The following LINC00305 variants were observed in gnomAD, a reference collection of about 807,000 sequenced individuals.
LINC00305 encodes long intergenic non-protein coding RNA 305.
chr18:64,111,872 G>A (rs72949513), intron 1 of LINC00305, among the ~76,000 whole-genome samples: 1 of 152,122 alleles, frequency 6.6e-6, no homozygotes, highest in Admixed American at 6.6e-5. Context: ...TAAACTAAAT[G>A]TACCTCCGGG....
chr18:64,143,544 T>G (rs2051475326), intron 1 of LINC00305, among the ~76,000 whole-genome samples: 1 of 127,420 alleles, frequency 7.8e-6, no homozygotes, highest in Non-Finnish European at 1.7e-5. Context: ...CATATATATG[T>G]ACACATATTA....
At chr18:64,144,977 A>C (rs1347381591) in intron 1 of LINC00305, among the ~76,000 whole-genome samples, 3 of 152,118 alleles carry the variant, frequency 2.0e-5, no homozygotes, top group Admixed American at 6.5e-5. Flanking sequence ...CTTATGGATA[A>C]GATAGGGCTA....
chr18:64,099,319 C>T (rs1014121028), intron 1 of LINC00305, among the ~76,000 whole-genome samples: 5 of 152,116 alleles, frequency 3.3e-5, no homozygotes, highest in African/African-American at 1.2e-4. Context: ...TTATTAATCA[C>T]TGATCTTGTG....
intron 1 of LINC00305, among the ~76,000 whole-genome samples, chr18:64,133,858 C>A (rs1359197772): frequency 1.3e-5 from 2 of 152,140 alleles, no homozygotes; most frequent in Non-Finnish European, 2.9e-5. Context: ...TATTATCGTT[C>A]TTTTCTGGCT....
At chr18:64,146,428 T>G (rs2051498646) in intron 1 of LINC00305, among the ~76,000 whole-genome samples, 1 of 152,176 alleles carries the variant, frequency 6.6e-6, no homozygotes, top group African/African-American at 2.4e-5. Flanking sequence ...AATGTTGTTG[T>G]AAGAAGTAGC....
At chr18:64,139,142 A>G (rs1169740789) in intron 1 of LINC00305, among the ~76,000 whole-genome samples, 3 of 152,242 alleles carry the variant, frequency 2.0e-5, no homozygotes, top group African/African-American at 7.2e-5. Flanking sequence ...TTCCAAATCA[A>G]GTCTGAAATA....
intron 3 of LINC00305, among the ~76,000 whole-genome samples, chr18:64,095,255 G>C (rs1365698573): frequency 1.3e-5 from 2 of 152,152 alleles, no homozygotes; most frequent in Admixed American, 1.3e-4. Flanking sequence ...GGCTAGGAGA[G>C]ACCTCTCCTC....
At chr18:64,113,550 G>T (rs1436386630) in intron 1 of LINC00305, among the ~76,000 whole-genome samples, 6 of 152,156 alleles carry the variant, frequency 3.9e-5, no homozygotes, top group Admixed American at 3.9e-4. Context: ...AGACCCACAG[G>T]CTTAGACCTC....
At chr18:64,107,110 T>C (rs1164181746) in intron 1 of LINC00305, among the ~76,000 whole-genome samples, 7 of 152,226 alleles carry the variant, frequency 4.6e-5, no homozygotes, top group Admixed American at 3.9e-4. Context: ...ACATTCAAAA[T>C]GGTGGAGCCC....
At chr18:64,107,197 G>T (rs1292723453) in intron 1 of LINC00305, among the ~76,000 whole-genome samples, 1 of 152,172 alleles carries the variant, frequency 6.6e-6, no homozygotes, top group Non-Finnish European at 1.5e-5. Flanking sequence ...CAGATTCATT[G>T]CAAATGGACC....
intron 3 of LINC00305, among the ~76,000 whole-genome samples, chr18:64,081,222 T>C (rs1241852522): frequency 1.3e-5 from 2 of 152,260 alleles, no homozygotes; most frequent in African/African-American, 4.8e-5. Context: ...AGATGTACTC[T>C]GCAAATAGAG....
At chr18:64,124,257 G>C (rs959585227) in intron 1 of LINC00305, among the ~76,000 whole-genome samples, 1 of 152,090 alleles carries the variant, frequency 6.6e-6, no homozygotes, top group Non-Finnish European at 1.5e-5. Flanking sequence ...TCAGAACCTA[G>C]CTGGTTGAAT....
chr18:64,104,541 G>C (rs557533744), intron 1 of LINC00305, among the ~76,000 whole-genome samples: 1 of 152,200 alleles, frequency 6.6e-6, no homozygotes, highest in Non-Finnish European at 1.5e-5. Flanking sequence ...CTTTGGTTCA[G>C]ATTTTGACAA....
chr18:64,119,573 T>C (rs55940665), intron 1 of LINC00305, among the ~76,000 whole-genome samples: 10,308 of 152,230 alleles, frequency 0.068, 523 homozygotes, highest in Non-Finnish European at 0.11. Context: ...TCAGTTATTA[T>C]AGACTTTCTG....
Position 64,139,762 on chromosome 18 carries a change from G to A in LINC00305, n.314+9013C>T, listed in dbSNP as rs114284071. Among the ~76,000 whole-genome samples the A allele has an allele frequency of 3.9e-3, 591 of 152,094 alleles. 6 individuals carry two copies. Among genetic ancestry groups the A allele is most frequent in the African/African-American group, 0.013 (559 of 41,474 alleles). ...GGATGGGTGCAGGATGGCAGGAAGCGGTCGCAGGTCTAGAAGTTGTCCTTT... is the reference window on the plus strand; with the variant it reads ...GGATGGGTGCAGGATGGCAGGAAGCAGTCGCAGGTCTAGAAGTTGTCCTTT... On this transcript the variant is annotated intron_variant and non_coding_transcript_variant, in intron 1 of 3. Transcript: ENST00000666468.
At chr18:64,142,672 A>G (rs116088247) in intron 1 of LINC00305, among the ~76,000 whole-genome samples, 1,734 of 152,158 alleles carry the variant, frequency 0.011, 39 homozygotes, top group African/African-American at 0.04. Context: ...CACCATGGCC[A>G]CCCGCGCCCT....
intron 1 of LINC00305, among the ~76,000 whole-genome samples, chr18:64,136,029 C>T (rs937476228): frequency 6.6e-6 from 1 of 152,162 alleles, no homozygotes; most frequent in Admixed American, 6.5e-5. Context: ...TGGCCCAGCT[C>T]CGACCAGGTG....
At chr18:64,135,681 GT>G (rs2144272356) in intron 1 of LINC00305, among the ~76,000 whole-genome samples, 1 of 152,238 alleles carries the variant, frequency 6.6e-6, no homozygotes, top group South Asian at 2.1e-4. Context: ...CACCTCCCGG[GT>G]TCTAGTGATT....
In LINC00305 at chr18:64,133,206, T is replaced by C. The variant is rs116962817; in HGVS notation, n.314+15569A>G. Among the ~76,000 whole-genome samples, 1,171 of 152,218 alleles carry C rather than the reference T, an allele frequency of 7.7e-3. 7 individuals carry two copies. The highest frequency in any genetic ancestry group is 0.013 in the Non-Finnish European group (896 of 68,004). On this transcript the variant is annotated intron_variant and non_coding_transcript_variant, in intron 1 of 3. Transcript: ENST00000666468. ...GAGGATTTTAAGCCATCTGCTAACA[T>C]TTCTGGCTGTGTGCTATGCTGGCCA...
Sources: allele counts gnomAD v4.1 joint callset (sites outside exome capture counted in the v4.1 genomes callset), GRCh38; gene constraint gnomAD v4.1.1; transcripts MANE v1.5; gene names NCBI Gene and HGNC (gene_info 2026-07-23, HGNC 2026-07-21).